The following USP24 variants were observed in gnomAD, a reference collection of about 807,000 sequenced individuals.
USP24 encodes the protein ubiquitin carboxyl-terminal hydrolase 24.
Under a neutral mutation model 361.6 loss-of-function variants are expected in USP24, and 97 were observed. That is an observed-to-expected ratio of 0.27 (90% confidence interval 0.23 to 0.32). The LOEUF is 0.32. Ranked by LOEUF, USP24 falls within the 10% of genes least tolerant of loss-of-function variation. The probability of loss-of-function intolerance (pLI) is 1.00; values close to 1 mark genes in which losing one functional copy is unlikely to be tolerated. For synonymous variants in USP24, 1,098 were observed against 1,124.6 expected, an observed-to-expected ratio of 0.98 and a Z score of 0.47; for missense variants, 2,353 against 3,165.6, an observed-to-expected ratio of 0.74 and a Z score of 6.16.
chr1:55,079,061 G>T (rs1645088820), intron 60 of USP24, among the ~76,000 whole-genome samples: 1 of 152,094 alleles, frequency 6.6e-6, no homozygotes, highest in East Asian at 1.9e-4. Context: ...AGGGAAGAAG[G>T]ACTGGAAGAT....
At chr1:55,182,063 T>C (rs1163275144) in intron 1 of USP24, among the ~76,000 whole-genome samples, 1 of 152,060 alleles carries the variant, frequency 6.6e-6, no homozygotes. Flanking sequence ...TTTATTTTTA[T>C]TTTTTTTGAG....
At chr1:55,188,368 AT>A (rs943325901) in intron 1 of USP24, among the ~76,000 whole-genome samples, 1 of 152,138 alleles carries the variant, frequency 6.6e-6, no homozygotes, top group African/African-American at 2.4e-5. Flanking sequence ...AAAAATAAAA[AT>A]TTTTGTGCAT....
intron 54 of USP24, among the ~76,000 whole-genome samples, chr1:55,090,980 A>G (rs1645362063): frequency 6.6e-6 from 1 of 152,126 alleles, no homozygotes; most frequent in South Asian, 2.1e-4. Flanking sequence ...GCTACTTGGG[A>G]GGCTGAGGTA....
At chr1:55,157,520 T>G in intron 10 of USP24, 150 bp from the exon 11 acceptor site, 1 of 516,274 alleles carries the variant, frequency 1.9e-6, no homozygotes, top group South Asian at 3.1e-5. Flanking sequence ...CAGACTACCA[T>G]TTGTGATGTC....
chr1:55,082,076 A>G (rs1323312677), intron 58 of USP24, among the ~76,000 whole-genome samples: 4 of 152,218 alleles, frequency 2.6e-5, no homozygotes, highest in Non-Finnish European at 5.9e-5. Flanking sequence ...TGTTTTTTTA[A>G]CACTAAAGAG....
intron 66 of USP24, 45 bp from the exon 67 acceptor site, chr1:55,071,969 A>G: frequency 6.5e-7 from 1 of 1,527,456 alleles, no homozygotes; most frequent in Non-Finnish European, 8.9e-7. Context: ...GGGCCCATTC[A>G]GTGGCAGCAG....
intron 1 of USP24, among the ~76,000 whole-genome samples, chr1:55,192,565 T>C (rs1226953880): frequency 2.6e-5 from 4 of 152,220 alleles, no homozygotes; most frequent in Non-Finnish European, 4.4e-5. Context: ...TAGAAACATA[T>C]ATGTGAAGAG....
chr1:55,073,860 C>T lies in USP24; in HGVS notation c.7494G>A (p.Gln2498=), dbSNP rs771436698. The change falls in exon 64 of 68, where the codon CAG becomes CAA. Residue 2498 remains glutamine, a synonymous_variant. Transcript: ENST00000294383. ...SNHVDSSRCY[Q]CVKFLVTLAQ... is the part of the protein sequence containing the mutation. ...CAAGAGTGACAAGAAATTTGACACA[C>T]TGGTAGCAGCGACTACTGTCCACAT... is the stretch of plus-strand genomic sequence containing the variant. 6 of 1,581,278 alleles carry T rather than the reference C, an allele frequency of 3.8e-6. No homozygotes were observed. The highest frequency in any genetic ancestry group is 1.2e-5 in the South Asian group (1 of 85,870).
intron 1 of USP24, among the ~76,000 whole-genome samples, chr1:55,178,434 C>T (rs1650207536): frequency 1.3e-5 from 2 of 151,700 alleles, no homozygotes; most frequent in South Asian, 4.2e-4. Context: ...TTTGGGAGGC[C>T]GAGACGGGTG....
At position 55,147,719 on chromosome 1, in the gene USP24, G is replaced by C. The variant is rs1235305654; in HGVS notation, c.2048C>G (p.Ala683Gly). The C allele has an allele frequency of 2.5e-6, 4 of 1,612,282 alleles. No homozygotes were observed. In the South Asian group the frequency reaches 3.3e-5, roughly 13 times the overall value. Residue 683 changes from alanine to glycine, a missense_variant, in exon 18 of 68, where the codon GCA (alanine) becomes GGA (glycine). Transcript: ENST00000294383. ...TGSLIACHRL[A>G]AAVAGPGGLS... ...GCCTCCAGGCCCGGCCACAGCAGCTGCAAGCCGATGACAAGCGATCAAACT... is the reference window on the plus strand; with the variant it reads ...GCCTCCAGGCCCGGCCACAGCAGCTCCAAGCCGATGACAAGCGATCAAACT...
At chr1:55,116,031 TA>T (rs1272274704) in intron 38 of USP24, among the ~76,000 whole-genome samples, 1 of 151,836 alleles carries the variant, frequency 6.6e-6, no homozygotes, top group African/African-American at 2.4e-5. Context: ...GTGGGCAGGC[TA>T]GGGGAGGGAT....
chr1:55,129,346 C>T (rs1646527424), intron 32 of USP24, 131 bp downstream of exon 32: 1 of 599,226 alleles, frequency 1.7e-6, no homozygotes, highest in Non-Finnish European at 2.8e-6. Context: ...AACATCATTC[C>T]TTCTTATAAT....
chr1:55,072,937 G>T, intron 64 of USP24, 76 bp from the exon 65 acceptor site: 2 of 1,352,978 alleles, frequency 1.5e-6, no homozygotes, highest in Non-Finnish European at 2.0e-6. Context: ...AAACGTAAAT[G>T]CTAGTTTCAT....
rs751761188 is a variant in USP24, at chr1:55,120,766, C to T, written c.4348-10G>A. ...AGGCAACCCGGCGAATCTGAAATTA[C>T]ATGATCAGCAGCAAAGGACAGACAT... On this transcript the variant is annotated splice_polypyrimidine_tract_variant and intron_variant, in intron 37 of 67. Coordinates refer to ENST00000294383, the MANE Select transcript of USP24 (RefSeq NM_015306.3). The T allele has an allele frequency of 3.9e-6, 6 of 1,554,994 alleles. No individual in the cohort carries two copies. Among genetic ancestry groups the T allele is most frequent in the Non-Finnish European group, 5.2e-6 (6 of 1,149,174 alleles).
chr1:55,078,511 C>A, intron 61 of USP24, 27 bp downstream of exon 61: 2 of 1,572,912 alleles, frequency 1.3e-6, no homozygotes, highest in Non-Finnish European at 1.7e-6. Context: ...GGCTATCTGG[C>A]TATCACTCGT....
At chr1:55,095,521 G>A in intron 50 of USP24, 125 bp from the exon 51 acceptor site, 1 of 1,057,460 alleles carries the variant, frequency 9.5e-7, no homozygotes, top group South Asian at 1.7e-5. Context: ...AAAATGCAAA[G>A]TATAAGTAAA....
chr1:55,166,456 AT>A (rs537531789), intron 6 of USP24, 111 bp downstream of exon 6: 116 of 1,021,720 alleles, frequency 1.1e-4, no homozygotes, highest in Middle Eastern at 3.1e-4. Flanking sequence ...TCCTTAAAGC[AT>A]TTTTTTTATT....
Position 55,068,881 on chromosome 1 carries a change from T to G in USP24, c.*164A>C. On this transcript the variant is annotated 3_prime_UTR_variant, in exon 68 of 68. Transcript: ENST00000294383. ...GCCAAACAGCTCCCAAACCTTCTAGTGGCTTAAAAATGCTTTCCTTGAGAA... is the reference window on the plus strand; with the variant it reads ...GCCAAACAGCTCCCAAACCTTCTAGGGGCTTAAAAATGCTTTCCTTGAGAA... 1.5e-6 allele frequency: 1 copy of G among 678,948 alleles called. No homozygotes were observed. Among genetic ancestry groups the G allele is most frequent in the Non-Finnish European group, 2.4e-6 (1 of 410,540 alleles). 42.1% of individuals were successfully genotyped at this position (678,948 alleles called of 1,614,324 possible). A position where few individuals can be genotyped will look rare whatever the true frequency, so the allele number is the denominator to read the frequency against.
chr1:55,157,201 A>G, intron 11 of USP24, 55 bp downstream of exon 11: 3 of 1,378,582 alleles, frequency 2.2e-6, no homozygotes, highest in Non-Finnish European at 2.0e-6. Flanking sequence ...TTTAATACAA[A>G]GATATATTAT....
Sources: allele counts gnomAD v4.1 joint callset (sites outside exome capture counted in the v4.1 genomes callset), GRCh38; gene constraint gnomAD v4.1.1; transcripts MANE v1.5; gene names NCBI Gene and HGNC (gene_info 2026-07-23, HGNC 2026-07-21).